CAMK1D: variants seen among roughly 807,000 people sequenced by gnomAD.
CAMK1D encodes the protein calcium/calmodulin dependent protein kinase ID.
A neutral mutation model predicts 47.7 loss-of-function variants in CAMK1D; 9 were observed. That is an observed-to-expected ratio of 0.19 (90% CI 0.11 to 0.33). CAMK1D has a LOEUF of 0.33. Ranked by LOEUF, CAMK1D falls within the 10% of genes least tolerant of loss-of-function variation. CAMK1D has a pLI of 1.00. For synonymous variants in CAMK1D, 184 were observed against 184.9 expected (o/e 0.99, Z 0.04); for missense variants, 291 against 488.7 (o/e 0.60, Z 3.81).
rs150424696 is a variant in CAMK1D, at chr10:12,370,638, G to C, written c.92+20728G>C. Among the ~76,000 whole-genome samples the C allele has an allele frequency of 3.8e-3, 576 of 152,196 alleles. 5 individuals carry two copies. The highest frequency in any genetic ancestry group is 0.013 in the African/African-American group (548 of 41,534). ...TTCTTTGTTTTCTTTTTTTGAGGCAGAGTCTCTAACCCAGGTTAGACTGCG... is the reference window on the plus strand; with the variant it reads ...TTCTTTGTTTTCTTTTTTTGAGGCACAGTCTCTAACCCAGGTTAGACTGCG... On this transcript the variant is annotated intron_variant, in intron 1 of 10. Coordinates refer to ENST00000619168, the MANE Select transcript of CAMK1D (RefSeq NM_153498.4).
intron 2 of CAMK1D, among the ~76,000 whole-genome samples, chr10:12,650,975 G>C (rs1839944499): frequency 6.6e-6 from 1 of 152,140 alleles, no homozygotes; most frequent in Admixed American, 6.5e-5. Context: ...CTTCCCCTAA[G>C]GCTCCCTGGA....
intron 1 of CAMK1D, among the ~76,000 whole-genome samples, chr10:12,360,887 C>T (rs773698949): frequency 6.6e-6 from 1 of 152,096 alleles, no homozygotes; most frequent in South Asian, 2.1e-4. Flanking sequence ...CGGGCCAGGC[C>T]GGGACTGCAG....
chr10:12,702,942 A>T (rs1357983360), intron 3 of CAMK1D, among the ~76,000 whole-genome samples: 1 of 152,228 alleles, frequency 6.6e-6, no homozygotes, highest in Non-Finnish European at 1.5e-5. Context: ...AATGCCAGTA[A>T]CTGGGACCAG....
intron 3 of CAMK1D, among the ~76,000 whole-genome samples, chr10:12,708,055 A>G (rs1287554876): frequency 6.6e-5 from 10 of 152,172 alleles, no homozygotes; most frequent in African/African-American, 1.9e-4. Context: ...TAGAGCCCCC[A>G]TTGTATTTAG....
At chr10:12,743,945 C>A (rs1184558189) in intron 3 of CAMK1D, among the ~76,000 whole-genome samples, 1 of 151,880 alleles carries the variant, frequency 6.6e-6, no homozygotes, top group Admixed American at 6.6e-5. Context: ...ATGGCTTGAA[C>A]CTGGGAGGCA....
chr10:12,757,908 A>G (rs888937174), intron 3 of CAMK1D, among the ~76,000 whole-genome samples: 7 of 140,778 alleles, frequency 5.0e-5, no homozygotes, highest in Non-Finnish European at 9.0e-5. Context: ...CTGGAGTGCA[A>G]TGGCATGATC....
chr10:12,739,291 C>T (rs924663372), intron 3 of CAMK1D, among the ~76,000 whole-genome samples: 8 of 151,878 alleles, frequency 5.3e-5, no homozygotes, highest in South Asian at 2.1e-4. Context: ...CCTCTCCCCC[C>T]GAGACAGAGT....
intron 2 of CAMK1D, among the ~76,000 whole-genome samples, chr10:12,647,068 C>T (rs1450674629): frequency 6.6e-6 from 1 of 151,114 alleles, no homozygotes; most frequent in Non-Finnish European, 1.5e-5. Context: ...GTCTCGAACT[C>T]CTGACTTTGT....
chr10:12,758,423 C>T (rs1836335761), intron 3 of CAMK1D, among the ~76,000 whole-genome samples: 1 of 151,862 alleles, frequency 6.6e-6, no homozygotes, highest in African/African-American at 2.4e-5. Context: ...CTAAACTTTC[C>T]CCTTGTGCCT....
chr10:12,643,344 C>T (rs1839718772), intron 2 of CAMK1D, among the ~76,000 whole-genome samples: 1 of 152,118 alleles, frequency 6.6e-6, no homozygotes, highest in Non-Finnish European at 1.5e-5. Context: ...CCTTATTGGG[C>T]CATAGCAGGG....
intron 5 of CAMK1D, among the ~76,000 whole-genome samples, chr10:12,786,195 A>G (rs1837716103): frequency 6.6e-6 from 1 of 152,122 alleles, no homozygotes; most frequent in Non-Finnish European, 1.5e-5. Flanking sequence ...TGTTGGTGGA[A>G]ATGTCATTTC....
At chr10:12,591,568 C>T (rs1038257784) in intron 2 of CAMK1D, among the ~76,000 whole-genome samples, 3 of 152,224 alleles carry the variant, frequency 2.0e-5, no homozygotes, top group Non-Finnish European at 2.9e-5. Flanking sequence ...CGGCTTTTCT[C>T]ATTTTGGTGG....
intron 1 of CAMK1D, among the ~76,000 whole-genome samples, chr10:12,383,618 G>A (rs941161895): frequency 6.6e-6 from 1 of 152,178 alleles, no homozygotes; most frequent in African/African-American, 2.4e-5. Context: ...TTGAAAATCT[G>A]TAAGATAACT....
chr10:12,509,731 A>G (rs1834985537), intron 1 of CAMK1D, among the ~76,000 whole-genome samples: 1 of 152,186 alleles, frequency 6.6e-6, no homozygotes, highest in African/African-American at 2.4e-5. Flanking sequence ...AGTCTAGGTG[A>G]CAGAAGGAGA....
At chr10:12,438,908 G>A (rs534370667) in intron 1 of CAMK1D, among the ~76,000 whole-genome samples, 6 of 152,330 alleles carry the variant, frequency 3.9e-5, no homozygotes, top group East Asian at 3.9e-4. Flanking sequence ...GGACAGCACC[G>A]TGTTACTTTA....
intron 3 of CAMK1D, among the ~76,000 whole-genome samples, chr10:12,715,037 A>G (rs1834074910): frequency 6.6e-6 from 1 of 152,088 alleles, no homozygotes; most frequent in African/African-American, 2.4e-5. Context: ...TCTGCTATGG[A>G]ACATTAGAAC....
At chr10:12,398,279 A>C (rs542312188) in intron 1 of CAMK1D, among the ~76,000 whole-genome samples, 1 of 152,310 alleles carries the variant, frequency 6.6e-6, no homozygotes, top group South Asian at 2.1e-4. Flanking sequence ...TCTTGCCAAA[A>C]ATATGTATAT....
chr10:12,484,273 G>A (rs866717680), intron 1 of CAMK1D, among the ~76,000 whole-genome samples: 5 of 152,118 alleles, frequency 3.3e-5, no homozygotes, highest in Middle Eastern at 3.2e-3. Context: ...CCTGCTCTGC[G>A]GCTGGCAACA....
intron 1 of CAMK1D, among the ~76,000 whole-genome samples, chr10:12,373,487 C>T (rs1838066289): frequency 6.6e-6 from 1 of 151,516 alleles, no homozygotes; most frequent in Non-Finnish European, 1.5e-5. Context: ...CAAGAATTAG[C>T]CAGGCGTAGT....
Sources: gnomAD v4.1 joint callset for allele counts (sites outside exome capture counted in the v4.1 genomes callset) on GRCh38, gnomAD v4.1.1 for gene constraint, MANE v1.5 for transcripts, NCBI Gene and HGNC (gene_info 2026-07-23, HGNC 2026-07-21) for gene names.